CLEC2L: variants seen among roughly 807,000 people sequenced by gnomAD.
CLEC2L encodes C-type lectin domain family 2, member L.
CLEC2L carries 14 observed loss-of-function variants against 23.6 expected under a neutral mutation model. That is an observed-to-expected ratio of 0.59 (90% confidence interval 0.39 to 0.93). The LOEUF is 0.93. Among genes scored for constraint, CLEC2L ranks in the 40% least tolerant of loss-of-function variants. The pLI, the probability that CLEC2L is intolerant of heterozygous loss-of-function variation, is 0.00. For missense variants in CLEC2L, 264 were observed against 282.4 expected (o/e 0.93, Z 0.47); for synonymous variants, 114 against 121.3 (o/e 0.94, Z 0.40).
chr7:139,541,936 C>A, intron 3 of CLEC2L, 85 bp from the exon 4 acceptor site: 1 of 889,902 alleles, frequency 1.1e-6, no homozygotes, highest in Admixed American at 2.2e-5. Flanking sequence ...GAGCCAGTAT[C>A]TTCCAAGCTG....
chr7:139,527,154 G>C (rs1797517980), intron 1 of CLEC2L, among the ~76,000 whole-genome samples: 1 of 152,206 alleles, frequency 6.6e-6, no homozygotes, highest in Non-Finnish European at 1.5e-5. Flanking sequence ...CCCTTGCAGG[G>C]GGGCTGGTGA....
intron 4 of CLEC2L, among the ~76,000 whole-genome samples, chr7:139,542,865 G>A (rs1050733455): frequency 2.6e-5 from 4 of 152,144 alleles, no homozygotes; most frequent in African/African-American, 9.7e-5. Context: ...GTGGGGAAAG[G>A]AGTGGTCTAG....
At position 139,536,361 on chromosome 7, in the gene CLEC2L, G is replaced by C. The variant is rs78096203; in HGVS notation, c.265+13G>C. 3,213 of 1,550,272 alleles carry C rather than the reference G, an allele frequency of 2.1e-3. 62 individuals carry two copies. In the African/African-American group the frequency reaches 0.037, roughly 18 times the overall value. On this transcript the variant is annotated intron_variant, in intron 2 of 4. Coordinates refer to ENST00000422142, the MANE Select transcript of CLEC2L (RefSeq NM_001080511.4). Reference sequence around the variant, plus strand: ...ATGAGCATCTTGGGTGAGCATGCGTGTCAGAGCATTTATGCATTCAGTTTG... The same window carrying C: ...ATGAGCATCTTGGGTGAGCATGCGTCTCAGAGCATTTATGCATTCAGTTTG...
At chr7:139,534,234 T>A in intron 1 of CLEC2L, 1 of 986,616 alleles carries the variant, frequency 1.0e-6, no homozygotes, top group South Asian at 1.3e-5. Context: ...GCAAAGAGTT[T>A]GGCGCGATGT....
chr7:139,534,528 TCGG>T (rs1797625553), intron 1 of CLEC2L: 1 of 770,210 alleles, frequency 1.3e-6, no homozygotes, highest in Non-Finnish European at 2.4e-6. Flanking sequence ...TGCTTCTTCA[TCGG>T]CAGGCTCAAC....
chr7:139,536,564 A>T (rs1440502338), intron 2 of CLEC2L, among the ~76,000 whole-genome samples: 1 of 152,186 alleles, frequency 6.6e-6, no homozygotes, highest in Non-Finnish European at 1.5e-5. Flanking sequence ...ATGCAAGTAG[A>T]GTAGAGATGT....
In CLEC2L at chr7:139,540,478, G is replaced by C. The variant is rs770704930; in HGVS notation, c.423G>C (p.Gln141His). The change falls in exon 3 of 5, where the codon CAG (glutamine) becomes CAC (histidine). Residue 141 changes from glutamine to histidine, a missense_variant. Gln to His is a conservative substitution (Grantham distance 24). Coordinates refer to ENST00000422142, the MANE Select transcript of CLEC2L (RefSeq NM_001080511.4). The surrounding 1 kb of genome is among the most constrained non-coding windows in gnomAD (Gnocchi z 5.8). Reference sequence around the variant, plus strand: ...CGGTGCTGGCTGTGATTCAGAGCCAGAAGGAGCTGGTGAGTGTGCCAAGGT... The same window carrying C: ...CGGTGCTGGCTGTGATTCAGAGCCACAAGGAGCTGGTGAGTGTGCCAAGGT... ...HEAVLAVIQS[Q>H]KELEFMFKFT... 6.3e-7 allele frequency: 1 copy of C among 1,590,304 alleles called. No homozygotes were observed. The highest frequency in any genetic ancestry group is 8.6e-7 in the Non-Finnish European group (1 of 1,168,794).
At chr7:139,536,516 A>G (rs1797659078) in intron 2 of CLEC2L, among the ~76,000 whole-genome samples, 168 bp downstream of exon 2, 1 of 152,190 alleles carries the variant, frequency 6.6e-6, no homozygotes, top group Admixed American at 6.5e-5. Flanking sequence ...AAAATAATAT[A>G]TTCACACACA....
At chr7:139,534,458 A>G (rs1050726666) in intron 1 of CLEC2L, 16 of 808,334 alleles carry the variant, frequency 2.0e-5, no homozygotes, top group Admixed American at 5.1e-5. Flanking sequence ...TGGTTTACCG[A>G]GCTGATACCC....
intron 2 of CLEC2L, among the ~76,000 whole-genome samples, chr7:139,537,012 G>A (rs1797669210): frequency 6.9e-6 from 1 of 145,634 alleles, no homozygotes; most frequent in Admixed American, 6.9e-5. Context: ...ATCACATTCA[G>A]TCAGCATTTA....
At chr7:139,538,052 C>T (rs140606840) in intron 2 of CLEC2L, among the ~76,000 whole-genome samples, 7 of 152,230 alleles carry the variant, frequency 4.6e-5, no homozygotes, top group East Asian at 1.9e-4. Flanking sequence ...CACAAAATGG[C>T]GGAAAAGTCC....
chr7:139,543,606 C>G (rs1214312723), intron 4 of CLEC2L, among the ~76,000 whole-genome samples: 1 of 152,148 alleles, frequency 6.6e-6, no homozygotes, highest in Non-Finnish European at 1.5e-5. Context: ...GGGAATCCTC[C>G]CACCACACCC....
At chr7:139,538,910 G>C (rs1797698154) in intron 2 of CLEC2L, among the ~76,000 whole-genome samples, 1 of 152,228 alleles carries the variant, frequency 6.6e-6, no homozygotes. Context: ...TAGCTAGTAT[G>C]ATTTTAATAA....
At chr7:139,541,924 G>A in intron 3 of CLEC2L, 97 bp from the exon 4 acceptor site, 4 of 805,188 alleles carry the variant, frequency 5.0e-6, no homozygotes, top group Non-Finnish European at 8.4e-6. Context: ...TGTACATCCC[G>A]AGAGCCAGTA....
Position 139,523,993 on chromosome 7 carries a change from G to C in CLEC2L, c.66G>C (p.Ala22=). Reference sequence around the variant, plus strand: ...CGCCGCCCCTCGCCGCGCGCCCCGCGCCCGCCCCCGCCGCCCCCAGGCCGC... The same window carrying C: ...CGCCGCCCCTCGCCGCGCGCCCCGCCCCCGCCCCCGCCGCCCCCAGGCCGC... ...RPPPPLAARP[A]PAPAAPRPRS... is the part of the protein sequence containing the mutation. Residue 22 remains alanine (A), a synonymous_variant, in exon 1 of 5, where the codon GCG becomes GCC. Coordinates refer to ENST00000422142, the MANE Select transcript of CLEC2L (RefSeq NM_001080511.4). This position sits in a 1 kb window ranked among gnomAD's most constrained non-coding sequence, Gnocchi z 4.1. 9.8e-7 allele frequency: 1 copy of C among 1,022,334 alleles called. No individual in the cohort carries two copies. The highest frequency in any genetic ancestry group is 1.2e-6 in the Non-Finnish European group (1 of 853,284). The allele number at this position is 1,022,334 out of a possible 1,614,324, so 63.3% of individuals were successfully genotyped here. A position where few individuals can be genotyped will look rare whatever the true frequency, so the allele number is the denominator to read the frequency against.
At chr7:139,536,387 C>T (rs62491675) in intron 2 of CLEC2L, 39 bp downstream of exon 2, 1 of 1,511,228 alleles carries the variant, frequency 6.6e-7, no homozygotes, top group Non-Finnish European at 9.0e-7. Context: ...ATTCAGTTTG[C>T]ACATTCCTTG....
intron 1 of CLEC2L, chr7:139,534,544 G>A: frequency 2.6e-6 from 2 of 762,378 alleles, no homozygotes; most frequent in Non-Finnish European, 4.9e-6. Flanking sequence ...GGCTCAACAG[G>A]CTGATAAATA....
chr7:139,534,298 G>T (rs560607330), intron 1 of CLEC2L: 1 of 1,470,922 alleles, frequency 6.8e-7, no homozygotes, highest in Non-Finnish European at 9.5e-7. Context: ...CAGAACTTAT[G>T]CTGACTACGA....
intron 4 of CLEC2L, among the ~76,000 whole-genome samples, chr7:139,543,334 C>A (rs1213006541): frequency 1.3e-5 from 2 of 152,230 alleles, no homozygotes; most frequent in Non-Finnish European, 2.9e-5. Context: ...CACCCCTCTC[C>A]CTGCTTTTCT....
Sources: gnomAD v4.1 joint callset for allele counts (sites outside exome capture counted in the v4.1 genomes callset) on GRCh38, gnomAD v4.1.1 for gene constraint, Gnocchi (gnomAD v3.1) non-coding constraint, MANE v1.5 for transcripts, NCBI Gene and HGNC (gene_info 2026-07-23, HGNC 2026-07-21) for gene names.